Variants in SAP30BP observed in about 807,000 individuals in gnomAD.
The protein encoded by SAP30BP is SAP30-binding protein.
A neutral mutation model predicts 46.3 loss-of-function variants in SAP30BP; 31 were observed. The ratio of observed to expected loss-of-function variants is 0.67; its 90% CI spans 0.50 to 0.90. The LOEUF is 0.90. Ranked by LOEUF, SAP30BP falls within the 40% of genes least tolerant of loss-of-function variation. SAP30BP has a pLI of 0.00. For missense variants in SAP30BP, 312 were observed against 391.0 expected (o/e 0.80, Z 1.70); for synonymous variants, 169 against 144.2 (o/e 1.17, Z -1.23).
chr17:75,671,608 CTTTTTTG>C (rs2059908545), intron 2 of SAP30BP, among the ~76,000 whole-genome samples: 1 of 152,000 alleles, frequency 6.6e-6, no homozygotes, highest in Non-Finnish European at 1.5e-5. Context: ...GCTGCTGATG[CTTTTTTG>C]TTTTTTGTTT....
intron 5 of SAP30BP, 126 bp from the exon 6 acceptor site, chr17:75,702,354 A>G (rs758861143): frequency 7.6e-6 from 4 of 524,628 alleles, no homozygotes; most frequent in Admixed American, 3.0e-5. Flanking sequence ...CATGAGGTCA[A>G]GTTGGGCTTT....
chr17:75,674,141 A>G (rs1216645943), intron 3 of SAP30BP, among the ~76,000 whole-genome samples: 9 of 152,096 alleles, frequency 5.9e-5, no homozygotes, highest in African/African-American at 2.2e-4. Flanking sequence ...AAGGACTACA[A>G]ATGATCCCCA....
chr17:75,702,450 C>A (rs757806232), intron 5 of SAP30BP, 30 bp from the exon 6 acceptor site: 2 of 1,028,042 alleles, frequency 1.9e-6, no homozygotes, highest in African/African-American at 1.6e-5. Flanking sequence ...CTGTCATACA[C>A]CCCCCCACCC....
intron 7 of SAP30BP, 110 bp downstream of exon 7, chr17:75,703,481 G>A (rs915708905): frequency 1.6e-5 from 14 of 894,808 alleles, no homozygotes; most frequent in South Asian, 2.8e-5. Flanking sequence ...GGCACGGCTC[G>A]TTGAAAGCAC....
At chr17:75,685,017 C>T (rs945571665) in intron 3 of SAP30BP, among the ~76,000 whole-genome samples, 1 of 152,166 alleles carries the variant, frequency 6.6e-6, no homozygotes. Context: ...CATTGCACTG[C>T]CAGAGGGGCC....
At chr17:75,701,185 G>A (rs1048734515) in intron 5 of SAP30BP, among the ~76,000 whole-genome samples, 2 of 152,174 alleles carry the variant, frequency 1.3e-5, no homozygotes, top group African/African-American at 2.4e-5. Context: ...GTTGTCATGT[G>A]GGCCCTCCAG....
chr17:75,667,358 G>T lies in SAP30BP; in HGVS notation c.-15G>T, dbSNP rs1421053956. 1 of 1,613,950 alleles carries T rather than the reference G, an allele frequency of 6.2e-7. No homozygotes were observed. The highest frequency in any genetic ancestry group is 1.6e-4 in the Middle Eastern group (1 of 6,062). ...GAGTCATAGGAGTGAGCCACGCCCG[G>T]GCTGTGGGAATAAGATGGCGGGGAA... On this transcript the variant is annotated 5_prime_UTR_variant, in exon 1 of 11. Coordinates refer to ENST00000584667, the MANE Select transcript of SAP30BP (RefSeq NM_013260.8).
At chr17:75,674,690 G>GTTTTTTGTTTTTTT (rs2059959089) in intron 3 of SAP30BP, among the ~76,000 whole-genome samples, 2 of 39,578 alleles carry the variant, frequency 5.1e-5, no homozygotes, top group African/African-American at 6.6e-5. Context: ...TTTTTTGTTT[G>GTTTTTTGTTTTTTT]TTTTTTGTTT....
chr17:75,682,245 C>T (rs1482999847), intron 3 of SAP30BP, among the ~76,000 whole-genome samples: 1 of 151,106 alleles, frequency 6.6e-6, no homozygotes, highest in South Asian at 2.1e-4. Context: ...AGTGCAGTGG[C>T]GTGATCTCAG....
Position 75,706,148 on chromosome 17 carries a change from G to A in SAP30BP, c.745+56G>A. 6.3e-7 allele frequency: 1 copy of A among 1,579,822 alleles called. No individual in the cohort carries two copies. The highest frequency in any genetic ancestry group is 8.6e-7 in the Non-Finnish European group (1 of 1,164,140). ...ACACACATGGAGCCAGGGTCTCCCTGGCTTGTTTGGGCGACAGACAGCACG... is the reference window on the plus strand; with the variant it reads ...ACACACATGGAGCCAGGGTCTCCCTAGCTTGTTTGGGCGACAGACAGCACG... On this transcript the variant is annotated intron_variant, in intron 10 of 10. Transcript: ENST00000584667. The surrounding 1 kb of genome is among the most constrained non-coding windows in gnomAD (Gnocchi z 4.6).
chr17:75,694,652 C>T lies in SAP30BP; in HGVS notation c.307+1170C>T, dbSNP rs182066130. On this transcript the variant is annotated intron_variant, in intron 4 of 10. Coordinates refer to ENST00000584667, the MANE Select transcript of SAP30BP (RefSeq NM_013260.8). ...CCAAGGGGGCGATCCACGGGTCGGG[C>T]GTGGACGGGAGCCTTGGCCTCTTAT... Among the ~76,000 whole-genome samples, 167 of 152,322 alleles carry T rather than the reference C, an allele frequency of 1.1e-3. 1 individual carries two copies. The Middle Eastern group carries it at 0.02, about 19-fold the overall frequency.
intron 8 of SAP30BP, among the ~76,000 whole-genome samples, chr17:75,704,445 C>G (rs1186345245): frequency 1.3e-5 from 2 of 152,224 alleles, no homozygotes; most frequent in African/African-American, 4.8e-5. Flanking sequence ...TATATAATCT[C>G]TGATTCCAGC....
At chr17:75,681,059 C>G (rs534060471) in intron 3 of SAP30BP, among the ~76,000 whole-genome samples, 1 of 152,116 alleles carries the variant, frequency 6.6e-6, no homozygotes, top group Non-Finnish European at 1.5e-5. Flanking sequence ...AAATGCCTAA[C>G]GAATGGTTCT....
intron 3 of SAP30BP, among the ~76,000 whole-genome samples, chr17:75,686,377 G>A (rs1277791333): frequency 3.3e-5 from 5 of 152,074 alleles, no homozygotes; most frequent in South Asian, 4.2e-4. Context: ...TTAGCCAGGC[G>A]TGGTGGCGGG....
At chr17:75,683,145 G>C (rs1268105551) in intron 3 of SAP30BP, among the ~76,000 whole-genome samples, 2 of 149,598 alleles carry the variant, frequency 1.3e-5, no homozygotes, top group African/African-American at 4.9e-5. Context: ...TGGGGTTCAA[G>C]CAATTCTTCT....
At chr17:75,704,907 A>T (rs948851390) in intron 9 of SAP30BP, 93 bp downstream of exon 9, 155 of 990,664 alleles carry the variant, frequency 1.6e-4, no homozygotes, top group Non-Finnish European at 2.3e-4. Flanking sequence ...GCTGCCCCCA[A>T]CCCTGGCCCC....
intron 9 of SAP30BP, 108 bp from the exon 10 acceptor site, chr17:75,705,900 C>T (rs2060489241): frequency 1.3e-6 from 2 of 1,484,666 alleles, no homozygotes; most frequent in Non-Finnish European, 1.8e-6. Flanking sequence ...ATTTCCAATG[C>T]CTCTTTTGTG....
chr17:75,667,600 T>C, intron 1 of SAP30BP, 122 bp downstream of exon 1: 1 of 824,612 alleles, frequency 1.2e-6, no homozygotes. Flanking sequence ...CGAAGAATGG[T>C]CCAGGGTCCG....
intron 3 of SAP30BP, among the ~76,000 whole-genome samples, chr17:75,682,836 G>A (rs1164490323): frequency 6.6e-6 from 1 of 151,200 alleles, no homozygotes; most frequent in Admixed American, 6.6e-5. Flanking sequence ...GGTGGCACGT[G>A]CCTGTAATCC....
Sources: allele counts gnomAD v4.1 joint callset (sites outside exome capture counted in the v4.1 genomes callset), GRCh38; gene constraint gnomAD v4.1.1; non-coding constraint Gnocchi (gnomAD v3.1); transcripts MANE v1.5; gene names NCBI Gene and HGNC (gene_info 2026-07-23, HGNC 2026-07-21).